The following LUC7L3 variants were observed in gnomAD, a reference collection of about 807,000 sequenced individuals.
The protein encoded by LUC7L3 is luc7-like protein 3.
LUC7L3 carries 6 observed loss-of-function variants against 66.8 expected under a neutral mutation model. The ratio of observed to expected loss-of-function variants is 0.09; its 90% CI spans 0.05 to 0.18. LUC7L3 has a LOEUF of 0.18. Among genes scored for constraint, LUC7L3 ranks in the 10% least tolerant of loss-of-function variants. The pLI, the probability that LUC7L3 is intolerant of heterozygous loss-of-function variation, is 1.00. For missense variants in LUC7L3, 341 were observed against 531.1 expected (o/e 0.64, Z 3.52); for synonymous variants, 160 against 174.7 (o/e 0.92, Z 0.66).
chr17:50,744,604 T>G, intron 6 of LUC7L3, 48 bp from the exon 7 acceptor site: 2 of 1,547,902 alleles, frequency 1.3e-6, no homozygotes, highest in South Asian at 1.2e-5. Flanking sequence ...TCCTGGGATT[T>G]GTTTCTCTTC....
At chr17:50,733,954 G>C (rs962160899) in intron 1 of LUC7L3, among the ~76,000 whole-genome samples, 1 of 152,054 alleles carries the variant, frequency 6.6e-6, no homozygotes, top group African/African-American at 2.4e-5. Flanking sequence ...TAAAAATCGA[G>C]TATTGGCATT....
At chr17:50,729,002 G>A (rs1490821864) in intron 1 of LUC7L3, among the ~76,000 whole-genome samples, 1 of 152,060 alleles carries the variant, frequency 6.6e-6, no homozygotes, top group Non-Finnish European at 1.5e-5. Context: ...ATGGGTTCTT[G>A]GAAACTATGA....
chr17:50,738,070 T>C (rs547259747), intron 2 of LUC7L3: 39 of 424,208 alleles, frequency 9.2e-5, no homozygotes, highest in African/African-American at 8.1e-4. Flanking sequence ...AATGAATCTA[T>C]ATTTTTATTG....
intron 1 of LUC7L3, among the ~76,000 whole-genome samples, chr17:50,733,879 A>G (rs1251772009): frequency 6.6e-6 from 1 of 152,262 alleles, no homozygotes; most frequent in Non-Finnish European, 1.5e-5. Context: ...GTTAGGTCAC[A>G]GTAAAAGTGG....
rs779663765 is a variant in LUC7L3 at position 50,741,660 on chromosome 17, G to C, written c.355G>C (p.Ala119Pro). Reference protein sequence around the residue: ...LSQNQQSSGAAGPTGKNEEKI... With the variant: ...LSQNQQSSGAPGPTGKNEEKI... ...TACGTTTTATTGTCTTCAATAGGCCGCTGGCCCAACAGGCAAAAATGAAGA... is the reference window on the plus strand; with the variant it reads ...TACGTTTTATTGTCTTCAATAGGCCCCTGGCCCAACAGGCAAAAATGAAGA... The change falls in exon 5 of 10, where the codon GCT (alanine) becomes CCT (proline). Residue 119 changes from alanine to proline, a missense_variant. Ala to Pro is a conservative substitution (Grantham distance 27). This residue lies in a region of LUC7L3 where 86 missense variants were observed against 172.0 expected (regional missense o/e 0.50). Coordinates refer to ENST00000505658, the MANE Select transcript of LUC7L3 (RefSeq NM_016424.5). 4 of 1,611,054 alleles carry C rather than the reference G, an allele frequency of 2.5e-6. No individual in the cohort carries two copies. In the East Asian group the frequency reaches 8.9e-5, roughly 36 times the overall value.
chr17:50,730,894 C>T (rs191927735), intron 1 of LUC7L3, among the ~76,000 whole-genome samples: 7 of 152,120 alleles, frequency 4.6e-5, no homozygotes, highest in African/African-American at 9.6e-5. Context: ...GAGCCAAGAT[C>T]GTGACACTGC....
At chr17:50,731,633 G>C (rs1296874502) in intron 1 of LUC7L3, among the ~76,000 whole-genome samples, 1 of 152,186 alleles carries the variant, frequency 6.6e-6, no homozygotes. Flanking sequence ...TAGAGTAACA[G>C]ATAATTCTGA....
intron 1 of LUC7L3, among the ~76,000 whole-genome samples, chr17:50,731,794 T>C (rs1567862327): frequency 6.6e-6 from 1 of 152,120 alleles, no homozygotes; most frequent in Non-Finnish European, 1.5e-5. Context: ...TGGACTAGAT[T>C]AGGTAGCTTC....
intron 1 of LUC7L3, among the ~76,000 whole-genome samples, chr17:50,727,400 G>C (rs183296533): frequency 6.6e-5 from 10 of 152,280 alleles, no homozygotes; most frequent in African/African-American, 1.9e-4. Context: ...AGATCACATG[G>C]CTAGAGTGCC....
At chr17:50,746,030 C>A in intron 8 of LUC7L3, 27 bp downstream of exon 8, 1 of 1,562,022 alleles carries the variant, frequency 6.4e-7, no homozygotes, top group South Asian at 1.2e-5. Context: ...CTAAGACTGT[C>A]CAGCTCATAA....
In LUC7L3 at chr17:50,751,042, G is replaced by A. The variant is rs1055332548; in HGVS notation, c.*381G>A. On this transcript the variant is annotated 3_prime_UTR_variant, in exon 10 of 10. Coordinates refer to ENST00000505658, the MANE Select transcript of LUC7L3 (RefSeq NM_016424.5). Reference sequence around the variant, plus strand: ...TGAACTGTTTTTTTTTTTCTTTTTGGTATTAAGTCCATCTTGTGTTGGTAC... The same window carrying A: ...TGAACTGTTTTTTTTTTTCTTTTTGATATTAAGTCCATCTTGTGTTGGTAC... 18 of 1,420,920 alleles carry A rather than the reference G, an allele frequency of 1.3e-5. No homozygotes were observed. In the South Asian group the frequency reaches 1.4e-4, roughly 11 times the overall value. The allele number at this position is 1,420,920 out of a possible 1,614,324, so 88.0% of individuals were successfully genotyped here.
rs1237557472 is a variant in LUC7L3 at position 50,754,125 on chromosome 17, G to A, written c.*3464G>A. ...ACATTTCTGCCATGCAGACCAAAAA[G>A]TTATTAGTTGGTGAATATGTATTTT... On this transcript the variant is annotated 3_prime_UTR_variant, in exon 10 of 10. Transcript: ENST00000505658. 2 of 152,088 alleles carry A rather than the reference G, an allele frequency of 1.3e-5. No homozygotes were observed. Among genetic ancestry groups the A allele is most frequent in the East Asian group, 1.9e-4 (1 of 5,194 alleles). 9.4% of individuals were successfully genotyped at this position (152,088 alleles called of 1,614,324 possible).
chr17:50,726,108 T>C (rs1455494410), intron 1 of LUC7L3, among the ~76,000 whole-genome samples: 2 of 152,236 alleles, frequency 1.3e-5, no homozygotes, highest in Non-Finnish European at 1.5e-5. Context: ...TAAAAAATTA[T>C]CCCTTGGTTC....
chr17:50,730,638 A>G (rs1969542375), intron 1 of LUC7L3, among the ~76,000 whole-genome samples: 1 of 152,050 alleles, frequency 6.6e-6, no homozygotes, highest in African/African-American at 2.4e-5. Flanking sequence ...AAAGACAAAA[A>G]TCATTAAGAT....
intron 1 of LUC7L3, among the ~76,000 whole-genome samples, chr17:50,730,911 G>T (rs567238740): frequency 6.6e-6 from 1 of 152,318 alleles, no homozygotes; most frequent in African/African-American, 2.4e-5. Context: ...CTGCACTCCA[G>T]CCTGGGCAAC....
At chr17:50,740,684 G>A (rs1259028544) in intron 3 of LUC7L3, among the ~76,000 whole-genome samples, 1 of 152,032 alleles carries the variant, frequency 6.6e-6, no homozygotes, top group Non-Finnish European at 1.5e-5. Context: ...TCAAACTCCC[G>A]AGTAGTTGGG....
intron 1 of LUC7L3, among the ~76,000 whole-genome samples, chr17:50,735,440 A>G (rs1349127032): frequency 6.6e-6 from 1 of 152,024 alleles, no homozygotes; most frequent in Non-Finnish European, 1.5e-5. Context: ...TAAATTTAAC[A>G]CTGCCTTTTT....
chr17:50,742,334 G>T (rs190859165), intron 5 of LUC7L3, among the ~76,000 whole-genome samples: 1 of 152,124 alleles, frequency 6.6e-6, no homozygotes, highest in Non-Finnish European at 1.5e-5. Context: ...TCATATTCCT[G>T]TAGATGATAT....
Position 50,719,795 on chromosome 17 carries a change from C to T in LUC7L3, c.63C>T (p.Asp21=). The part of the protein sequence containing the change: ...LMGRDRNLAP[D]EKRSNVRWDH... ...GCCGGGACCGAAACCTAGCCCCGGA[C>T]GAGAAGCGCAGCAACGTGCGGTGGG... The change falls in exon 1 of 10, where the codon GAC becomes GAT. Residue 21 remains aspartate, a synonymous_variant. Coordinates refer to ENST00000505658, the MANE Select transcript of LUC7L3 (RefSeq NM_016424.5). The T allele has an allele frequency of 1.2e-6, 2 of 1,612,368 alleles. No homozygotes were observed. Among genetic ancestry groups the T allele is most frequent in the Non-Finnish European group, 1.7e-6 (2 of 1,179,320 alleles).
Sources: allele counts gnomAD v4.1 joint callset (sites outside exome capture counted in the v4.1 genomes callset), GRCh38; gene constraint gnomAD v4.1.1; regional missense constraint gnomAD v4.1.1; transcripts MANE v1.5; gene names NCBI Gene and HGNC (gene_info 2026-07-23, HGNC 2026-07-21).